Variants in DIPK1C observed in about 807,000 individuals in gnomAD.
DIPK1C encodes divergent protein kinase domain 1C.
A neutral mutation model predicts 28.0 loss-of-function variants in DIPK1C; 33 were observed. The observed-to-expected ratio is 1.18, with a 90% CI of 0.89 to 1.58. The LOEUF is 1.58. DIPK1C is among the 40% of genes most tolerant of loss of function. The pLI is 0.00. For synonymous variants in DIPK1C, 255 were observed against 248.8 expected (o/e 1.02, Z -0.23); for missense variants, 569 against 568.5 (o/e 1.00, Z -0.01).
chr18:74,457,103 G>T lies in DIPK1C; in HGVS notation c.157C>A (p.Arg53Ser). ...CGCCGGCTCTTCTCGTCGGTGCAGC[G>T]CTCGGAGAGGACACCCGGGTGCGCG... ...LRAHPGVLSE[R>S]CTDEKSRRIL... Residue 53 changes from arginine (R) to serine (S), a missense_variant, in exon 1 of 4, where the codon CGC becomes AGC. Physicochemically the swap from Arg to Ser is moderately radical, Grantham distance 110. Transcript: ENST00000343998. 6.8e-7 allele frequency: 1 copy of T among 1,468,306 alleles called. No homozygotes were observed. The highest frequency in any genetic ancestry group is 1.5e-5 in the African/African-American group (1 of 67,856). The allele number at this position is 1,468,306 out of a possible 1,614,324, so 91.0% of individuals were successfully genotyped here. A position where few individuals can be genotyped will look rare whatever the true frequency, so the allele number is the denominator to read the frequency against.
intron 3 of DIPK1C, among the ~76,000 whole-genome samples, chr18:74,440,778 C>T (rs113114259): frequency 3.3e-5 from 5 of 152,290 alleles, no homozygotes; most frequent in Middle Eastern, 3.4e-3. Context: ...GATCGCAAGG[C>T]GGTGGATGCT....
intron 1 of DIPK1C, among the ~76,000 whole-genome samples, chr18:74,454,295 C>T (rs2144530778): frequency 6.6e-6 from 1 of 152,296 alleles, no homozygotes; most frequent in East Asian, 1.9e-4. Flanking sequence ...GGGGAACCTC[C>T]CTGGGGAGGT....
At chr18:74,444,289 G>T (rs867372633) in intron 2 of DIPK1C, among the ~76,000 whole-genome samples, 16 of 152,216 alleles carry the variant, frequency 1.1e-4, no homozygotes, top group African/African-American at 3.9e-4. Flanking sequence ...AAGGTTCCTA[G>T]TTATTCATTT....
chr18:74,441,305 T>C (rs1214095910), intron 3 of DIPK1C, among the ~76,000 whole-genome samples: 4 of 152,178 alleles, frequency 2.6e-5, no homozygotes, highest in African/African-American at 9.6e-5. Flanking sequence ...CCGGGTATGA[T>C]CAGCACCTGT....
chr18:74,453,805 G>T (rs1986447816), intron 1 of DIPK1C, among the ~76,000 whole-genome samples: 1 of 152,212 alleles, frequency 6.6e-6, no homozygotes, highest in South Asian at 2.1e-4. Context: ...ACCGTGTGAA[G>T]CAGGGCAAGT....
chr18:74,441,631 A>G (rs1188227557), intron 3 of DIPK1C, among the ~76,000 whole-genome samples: 2 of 152,128 alleles, frequency 1.3e-5, no homozygotes, highest in African/African-American at 4.8e-5. Context: ...TAGTCTCAGG[A>G]TTCTCATAGT....
upstream of DIPK1C, among the ~76,000 whole-genome samples, chr18:74,461,682 T>TA (rs1170059717): frequency 6.6e-6 from 1 of 152,016 alleles, no homozygotes. Context: ...GCCTCCTTTA[T>TA]AAGGGCAGGG....
rs926634394 is a variant in DIPK1C, at chr18:74,436,130, G to A, written c.*371C>T. On this transcript the variant is annotated 3_prime_UTR_variant, in exon 4 of 4. Transcript: ENST00000343998. ...ATACACATCATTTGTATGCACACAC[G>A]CACACTTTTTAACGTGGTAACGATT... 2.7e-5 allele frequency: 7 copies of A among 258,980 alleles called. No homozygotes were observed. The highest frequency in any genetic ancestry group is 1.0e-4 in the Admixed American group (2 of 19,886). The allele number at this position is 258,980 out of a possible 1,614,324, so 16.0% of individuals were successfully genotyped here.
In DIPK1C at chr18:74,447,196, G is replaced by T; in HGVS notation, c.286C>A (p.His96Asn). The change falls in exon 2 of 4, where the codon CAC becomes AAC. Residue 96 changes from histidine (H) to asparagine (N), a missense_variant. Transcript: ENST00000343998. This position sits in a 1 kb window ranked among gnomAD's most constrained non-coding sequence, Gnocchi z 4.1. ...AGCACCTTCTTGCCTCTGTTGTAGT[G>T]CAGGCAGCGTTGGAACAGCAGCTCT... ...AGELLFQRCL[H>N]YNRGKKVLQA... The T allele has an allele frequency of 1.9e-6, 3 of 1,550,478 alleles. No individual in the cohort carries two copies. Among genetic ancestry groups the T allele is most frequent in the Non-Finnish European group, 2.6e-6 (3 of 1,146,966 alleles).
chr18:74,462,140 C>T (rs1003545493), upstream of DIPK1C, among the ~76,000 whole-genome samples: 2 of 152,178 alleles, frequency 1.3e-5, no homozygotes, highest in Admixed American at 6.5e-5. Flanking sequence ...GCATTCAATT[C>T]GGTGATTCTC....
chr18:74,463,044 T>G, the DIPK1C span, among the ~76,000 whole-genome samples: 1 of 152,202 alleles, frequency 6.6e-6, no homozygotes, highest in Non-Finnish European at 1.5e-5. Flanking sequence ...AGGAAAATAC[T>G]GTTTGTCATG....
intron 1 of DIPK1C, among the ~76,000 whole-genome samples, chr18:74,452,099 C>T (rs141611180): frequency 1.2e-4 from 19 of 152,288 alleles, no homozygotes; most frequent in Admixed American, 7.8e-4. Context: ...AAAAGCAGAA[C>T]GGTTGCATGG....
intron 3 of DIPK1C, among the ~76,000 whole-genome samples, chr18:74,437,274 A>G (rs968540195): frequency 3.9e-5 from 6 of 152,216 alleles, no homozygotes; most frequent in Non-Finnish European, 8.8e-5. Flanking sequence ...GGCTCATGAA[A>G]CAAAGGCATA....
chr18:74,455,079 A>G (rs984945937), intron 1 of DIPK1C, among the ~76,000 whole-genome samples: 1 of 152,160 alleles, frequency 6.6e-6, no homozygotes, highest in African/African-American at 2.4e-5. Flanking sequence ...CAGGGGCAGA[A>G]CCAACCTCTC....
rs772257154 is a variant in DIPK1C, at chr18:74,457,177, A to C, written c.83T>G (p.Phe28Cys). Residue 28 changes from phenylalanine to cysteine, a missense_variant, in exon 1 of 4, where the codon TTC becomes TGC. By Grantham distance (205) the Phe-to-Cys change is radical. Coordinates refer to ENST00000343998, the MANE Select transcript of DIPK1C (RefSeq NM_001044369.3). ...GRCGRGTLLA[F>C]AAWTAGWVLA... ...CACCCAGCCCGCGGTCCACGCGGCGAAGGCGAGGAGCGTGCCCCGCCCGCA... is the reference window on the plus strand; with the variant it reads ...CACCCAGCCCGCGGTCCACGCGGCGCAGGCGAGGAGCGTGCCCCGCCCGCA... The C allele has an allele frequency of 8.8e-5, 119 of 1,358,618 alleles. 1 individual carries two copies. In the Middle Eastern group the frequency reaches 1.4e-3, roughly 16 times the overall value. The allele number at this position is 1,358,618 out of a possible 1,614,324, so 84.2% of individuals were successfully genotyped here. A position where few individuals can be genotyped will look rare whatever the true frequency, so the allele number is the denominator to read the frequency against.
chr18:74,457,756 C>T (rs1986552931), upstream of DIPK1C: 1 of 146,166 alleles, frequency 6.8e-6, no homozygotes, highest in Admixed American at 6.7e-5. Flanking sequence ...CTAGAACCGC[C>T]CCCCTCTGAG....
intron 1 of DIPK1C, among the ~76,000 whole-genome samples, chr18:74,449,390 G>A (rs1165950742): frequency 1.3e-5 from 2 of 152,194 alleles, no homozygotes; most frequent in Admixed American, 1.3e-4. Flanking sequence ...GATAAGAGAG[G>A]GACTGGGGGC....
intron 2 of DIPK1C, among the ~76,000 whole-genome samples, chr18:74,443,398 G>C (rs529627716): frequency 1.3e-5 from 2 of 152,190 alleles, no homozygotes; most frequent in African/African-American, 2.4e-5. Context: ...GGTCAGCATC[G>C]AGATACCAGC....
At chr18:74,453,999 C>T (rs1986451695) in intron 1 of DIPK1C, among the ~76,000 whole-genome samples, 1 of 152,172 alleles carries the variant, frequency 6.6e-6, no homozygotes, top group Non-Finnish European at 1.5e-5. Context: ...GTGAAGAGTT[C>T]AGCCTGCAGA....
Sources: gnomAD v4.1 joint callset for allele counts (sites outside exome capture counted in the v4.1 genomes callset) on GRCh38, gnomAD v4.1.1 for gene constraint, Gnocchi (gnomAD v3.1) non-coding constraint, MANE v1.5 for transcripts, NCBI Gene and HGNC (gene_info 2026-07-23, HGNC 2026-07-21) for gene names.